MAST4: variants seen among roughly 807,000 people sequenced by gnomAD.
The protein encoded by MAST4 is microtubule-associated serine/threonine-protein kinase 4.
A neutral mutation model predicts 162.7 loss-of-function variants in MAST4; 89 were observed. The observed-to-expected ratio is 0.55, with a 90% CI of 0.46 to 0.65. MAST4 has a LOEUF of 0.65. MAST4 is among the 30% of genes least tolerant of loss of function. The pLI is 0.00. For synonymous variants in MAST4, 1,479 were observed against 1,361.1 expected, an observed-to-expected ratio of 1.09 and a Z score of -1.91; for missense variants, 3,153 against 3,374.0, an observed-to-expected ratio of 0.93 and a Z score of 1.62.
chr5:67,154,756 T>A (rs1772281949), intron 26 of MAST4, among the ~76,000 whole-genome samples: 1 of 152,220 alleles, frequency 6.6e-6, no homozygotes. Flanking sequence ...CCTGCCTGTG[T>A]TCATAAAGGA....
chr5:66,861,249 C>T (rs954335132), intron 3 of MAST4, among the ~76,000 whole-genome samples: 1 of 152,104 alleles, frequency 6.6e-6, no homozygotes, highest in South Asian at 2.1e-4. Context: ...GCTTAAAATC[C>T]CTGTGAAATC....
chr5:66,635,782 T>A (rs1205128952), intron 1 of MAST4, among the ~76,000 whole-genome samples: 1 of 151,584 alleles, frequency 6.6e-6, no homozygotes, highest in Non-Finnish European at 1.5e-5. Flanking sequence ...TGGGGATTCT[T>A]AACATGGAGA....
intron 3 of MAST4, among the ~76,000 whole-genome samples, chr5:66,840,453 T>G (rs1758339504): frequency 6.6e-6 from 1 of 152,208 alleles, no homozygotes; most frequent in Non-Finnish European, 1.5e-5. Flanking sequence ...TGTTTAGCAA[T>G]CAAGCTAAGA....
chr5:66,763,013 T>C (rs970741842), intron 2 of MAST4, among the ~76,000 whole-genome samples: 5 of 152,218 alleles, frequency 3.3e-5, no homozygotes, highest in African/African-American at 1.2e-4. Flanking sequence ...GCTTATTTAA[T>C]CCTTATAACA....
rs1774215317 is a variant in MAST4, at chr5:67,167,738, A to G, written c.*687A>G. On this transcript the variant is annotated 3_prime_UTR_variant, in exon 29 of 29. Coordinates refer to ENST00000403625, the MANE Select transcript of MAST4 (RefSeq NM_001164664.2). ...AACTACTCTAAGTACTGCATTTGGAATCCTCCTCCATTAGGAATGGCCAGG... is the reference window on the plus strand; with the variant it reads ...AACTACTCTAAGTACTGCATTTGGAGTCCTCCTCCATTAGGAATGGCCAGG... 3 of 152,228 alleles carry G rather than the reference A, an allele frequency of 2.0e-5. No individual in the cohort carries two copies. The East Asian group carries it at 5.8e-4, about 29-fold the overall frequency. 9.4% of individuals were successfully genotyped at this position (152,228 alleles called of 1,614,324 possible). A position where few individuals can be genotyped will look rare whatever the true frequency, so the allele number is the denominator to read the frequency against.
chr5:66,972,530 G>A (rs566490423), intron 4 of MAST4, among the ~76,000 whole-genome samples: 1 of 152,126 alleles, frequency 6.6e-6, no homozygotes, highest in East Asian at 1.9e-4. Context: ...AATCTTTGCA[G>A]TGTGCACATG....
intron 3 of MAST4, among the ~76,000 whole-genome samples, chr5:66,823,156 C>T (rs543689690): frequency 1.3e-5 from 2 of 152,260 alleles, no homozygotes; most frequent in East Asian, 3.9e-4. Context: ...TGGCTTGCTT[C>T]CCCTTTACCT....
At chr5:67,156,053 C>T (rs1256225387) in intron 26 of MAST4, among the ~76,000 whole-genome samples, 6 of 144,848 alleles carry the variant, frequency 4.1e-5, no homozygotes, top group African/African-American at 7.8e-5. Context: ...AGTGAGATTC[C>T]GTCTCAAGAA....
chr5:66,596,879 C>A lies in MAST4; in HGVS notation c.224C>A (p.Ala75Asp). The A allele has an allele frequency of 7.7e-7, 1 of 1,295,928 alleles. No homozygotes were observed. The allele number at this position is 1,295,928 out of a possible 1,614,324, so 80.3% of individuals were successfully genotyped here. The change falls in exon 1 of 29, where the codon GCC becomes GAC. Residue 75 changes from alanine to aspartate, a missense_variant. By Grantham distance (126) the Ala-to-Asp change is moderately radical. This residue lies in a region of MAST4 where 327 missense variants were observed against 336.5 expected (regional missense o/e 0.97). Coordinates refer to ENST00000403625, the MANE Select transcript of MAST4 (RefSeq NM_001164664.2). ...CCGCCGTTGGGAGGCACCCTGGGCG[C>A]CCGGGCGCCCGCCGCGTGGGCTCCG... ...PPPPLGGTLG[A>D]RAPAAWAPAS...
At chr5:66,852,511 C>T (rs983813783) in intron 3 of MAST4, among the ~76,000 whole-genome samples, 6 of 152,150 alleles carry the variant, frequency 3.9e-5, no homozygotes, top group African/African-American at 2.4e-5. Flanking sequence ...CCCTGGACAC[C>T]GTAACGCTTG....
At chr5:66,947,304 T>C (rs1744156062) in intron 4 of MAST4, among the ~76,000 whole-genome samples, 1 of 152,142 alleles carries the variant, frequency 6.6e-6, no homozygotes, top group Non-Finnish European at 1.5e-5. Flanking sequence ...TCCTGACATG[T>C]CAAGGAACAC....
At chr5:67,042,137 T>C (rs1173366417) in intron 4 of MAST4, among the ~76,000 whole-genome samples, 1 of 152,216 alleles carries the variant, frequency 6.6e-6, no homozygotes, top group Non-Finnish European at 1.5e-5. Flanking sequence ...GTCAAGTATA[T>C]CCATATGTCT....
chr5:66,678,493 A>C (rs539955084), intron 1 of MAST4, among the ~76,000 whole-genome samples: 1 of 150,576 alleles, frequency 6.6e-6, no homozygotes, highest in African/African-American at 2.4e-5. Flanking sequence ...TGTACATATC[A>C]ACTACATTTT....
At chr5:66,829,736 A>T (rs1757472786) in intron 3 of MAST4, among the ~76,000 whole-genome samples, 1 of 152,138 alleles carries the variant, frequency 6.6e-6, no homozygotes, top group African/African-American at 2.4e-5. Context: ...AATACAGAAT[A>T]TACAGCACAT....
At chr5:66,909,386 T>A (rs1208827127) in intron 4 of MAST4, among the ~76,000 whole-genome samples, 1 of 152,184 alleles carries the variant, frequency 6.6e-6, no homozygotes, top group Non-Finnish European at 1.5e-5. Context: ...ATCAGGACAC[T>A]CCTTGAAATT....
At chr5:66,663,105 T>G (rs1747014455) in intron 1 of MAST4, 1 of 152,384 alleles carries the variant, frequency 6.6e-6, no homozygotes, top group East Asian at 1.9e-4. Flanking sequence ...CTTCCCACAG[T>G]GCTGGGAGCC....
intron 1 of MAST4, among the ~76,000 whole-genome samples, chr5:66,662,003 C>T (rs1746942537): frequency 6.6e-6 from 1 of 151,636 alleles, no homozygotes; most frequent in African/African-American, 2.4e-5. Context: ...GGTGATACTT[C>T]TTTAGTGGTG....
rs534395574 is a variant in MAST4 at position 66,889,220 on chromosome 5, G to A, written c.643-10731G>A. 1.2e-3 allele frequency among the ~76,000 whole-genome samples: 181 copies of A among 152,256 alleles called. 1 individual carries two copies. The highest frequency in any genetic ancestry group is 2.1e-3 in the Non-Finnish European group (142 of 68,024). ...ACTGAAAAAATTGTGGAGCCTTGTG[G>A]GGCACAGCTGTGCGGTGTTGCCTTT... On this transcript the variant is annotated intron_variant, in intron 3 of 28. Coordinates refer to ENST00000403625, the MANE Select transcript of MAST4 (RefSeq NM_001164664.2).
chr5:67,159,976 A>G (rs1773002815), intron 26 of MAST4, among the ~76,000 whole-genome samples: 1 of 152,270 alleles, frequency 6.6e-6, no homozygotes, highest in African/African-American at 2.4e-5. Context: ...AAAAAGGAGA[A>G]AAAAGAAAAA....
Sources: allele counts gnomAD v4.1 joint callset (sites outside exome capture counted in the v4.1 genomes callset), GRCh38; gene constraint gnomAD v4.1.1; regional missense constraint gnomAD v4.1.1; transcripts MANE v1.5; gene names NCBI Gene and HGNC (gene_info 2026-07-23, HGNC 2026-07-21).